Variants in FLT1 observed in about 807,000 individuals in gnomAD.
FLT1 encodes vascular endothelial growth factor receptor 1.
FLT1 carries 49 observed loss-of-function variants against 156.3 expected under a neutral mutation model. The ratio of observed to expected loss-of-function variants is 0.31; its 90% CI spans 0.25 to 0.40. The LOEUF is 0.40. Among genes scored for constraint, FLT1 ranks in the 10% least tolerant of loss-of-function variants. The pLI, the probability that FLT1 is intolerant of heterozygous loss-of-function variation, is 1.00. For synonymous variants in FLT1, 594 were observed against 583.8 expected (o/e 1.02, Z -0.25); for missense variants, 1,322 against 1,637.2 (o/e 0.81, Z 3.32).
At chr13:28,494,561 G>A (rs889958374) in intron 1 of FLT1, among the ~76,000 whole-genome samples, 5 of 152,206 alleles carry the variant, frequency 3.3e-5, no homozygotes, top group Non-Finnish European at 5.9e-5. Flanking sequence ...GATGCTCGCG[G>A]GTCCAGGCCA....
At chr13:28,338,367 G>A (rs992277452) in intron 17 of FLT1, among the ~76,000 whole-genome samples, 1 of 152,036 alleles carries the variant, frequency 6.6e-6, no homozygotes, top group African/African-American at 2.4e-5. Context: ...ACAGGAGTGA[G>A]TGGAAAACTT....
chr13:28,479,600 G>A (rs114483815), intron 1 of FLT1, among the ~76,000 whole-genome samples: 1 of 152,174 alleles, frequency 6.6e-6, no homozygotes, highest in South Asian at 2.1e-4. Context: ...TCCATTAAAA[G>A]TAGTACATTT....
intron 10 of FLT1, among the ~76,000 whole-genome samples, chr13:28,412,730 CTTTTTTT>C (rs752528822): frequency 7.5e-5 from 6 of 79,536 alleles, no homozygotes; most frequent in Non-Finnish European, 1.2e-4. Context: ...CCCTCACGTT[CTTTTTTT>C]TTTTTTTTTT....
rs76219563 is a variant in FLT1 at position 28,352,875 on chromosome 13, A to G, written c.2248+4679T>C. ...AGAGGAGCTAACGTGGAGGGAGGTC[A>G]GTCAGGGATCAGAGGAGGGTCAAAA... On this transcript the variant is annotated intron_variant, in intron 15 of 29. Transcript: ENST00000282397. Among the ~76,000 whole-genome samples, 770 of 152,308 alleles carry G rather than the reference A, an allele frequency of 5.1e-3. 3 individuals carry two copies. Among genetic ancestry groups the G allele is most frequent in the African/African-American group, 0.018 (729 of 41,558 alleles).
intron 14 of FLT1, among the ~76,000 whole-genome samples, chr13:28,375,025 T>C (rs545842972): frequency 6.6e-6 from 1 of 152,286 alleles, no homozygotes; most frequent in African/African-American, 2.4e-5. Context: ...TTCAGGAGGC[T>C]TTTCTGGGCT....
At chr13:28,448,704 G>T (rs1878753455) in intron 3 of FLT1, among the ~76,000 whole-genome samples, 1 of 152,146 alleles carries the variant, frequency 6.6e-6, no homozygotes, top group African/African-American at 2.4e-5. Flanking sequence ...CTGTCAATAT[G>T]CTACAAACCA....
At chr13:28,368,105 G>T in intron 14 of FLT1, 1 of 730,856 alleles carries the variant, frequency 1.4e-6, no homozygotes, top group Non-Finnish European at 1.7e-6. Flanking sequence ...ATGCATGTAT[G>T]TTAAGTTTAA....
intron 10 of FLT1, among the ~76,000 whole-genome samples, 180 bp downstream of exon 10, chr13:28,426,979 G>A (rs567041963): frequency 4.7e-4 from 72 of 152,226 alleles, no homozygotes; most frequent in African/African-American, 1.7e-3. Context: ...GCCAGTGATA[G>A]GGTATATTCA....
intron 10 of FLT1, among the ~76,000 whole-genome samples, chr13:28,415,020 G>A (rs778183996): frequency 6.6e-6 from 1 of 152,154 alleles, no homozygotes; most frequent in Non-Finnish European, 1.5e-5. Flanking sequence ...GCACAGCAGT[G>A]TCAGCACCTG....
intron 17 of FLT1, among the ~76,000 whole-genome samples, chr13:28,337,821 A>G (rs371580511): frequency 2.6e-5 from 4 of 152,342 alleles, no homozygotes; most frequent in Middle Eastern, 3.4e-3. Flanking sequence ...TGTGTCCTAT[A>G]CTGGAAGAAG....
chr13:28,368,485 A>T (rs1873393902), intron 14 of FLT1: 1 of 1,518,900 alleles, frequency 6.6e-7, no homozygotes. Flanking sequence ...TGGCTCTCCA[A>T]CTAAAGGATA....
rs561684739 is a variant in FLT1 at position 28,388,803 on chromosome 13, C to A, written c.1969+993G>T. On this transcript the variant is annotated intron_variant, in intron 13 of 29. Coordinates refer to ENST00000282397, the MANE Select transcript of FLT1 (RefSeq NM_002019.4). ...TTTCCTTGATAAATTGATTGTGGTA[C>A]ACCTTTGAATGCTGTCATTTTAACA... is the stretch of plus-strand genomic sequence containing the variant. 4.7e-6 allele frequency: 5 copies of A among 1,059,588 alleles called. No homozygotes were observed. The South Asian group carries it at 2.3e-4, about 48-fold the overall frequency. 65.6% of individuals were successfully genotyped at this position (1,059,588 alleles called of 1,614,324 possible). A position where few individuals can be genotyped will look rare whatever the true frequency, so the allele number is the denominator to read the frequency against.
rs376148261 is a variant in FLT1, at chr13:28,356,300, C to T, written c.2248+1254G>A. 8.5e-5 allele frequency among the ~76,000 whole-genome samples: 13 copies of T among 152,210 alleles called. No individual in the cohort carries two copies. The South Asian group carries it at 1.0e-3, about 12-fold the overall frequency. ...GCTCTCTGTGTTCCCTGGCCCGGCACGGCCATTCCTGAGGGCTATATGTCT... is the reference window on the plus strand; with the variant it reads ...GCTCTCTGTGTTCCCTGGCCCGGCATGGCCATTCCTGAGGGCTATATGTCT... On this transcript the variant is annotated intron_variant, in intron 15 of 29. Transcript: ENST00000282397.
chr13:28,388,999 C>G lies in FLT1; in HGVS notation c.1969+797G>C, dbSNP rs1048012107. On this transcript the variant is annotated intron_variant, in intron 13 of 29. Coordinates refer to ENST00000282397, the MANE Select transcript of FLT1 (RefSeq NM_002019.4). ...GCACTAACTGCATAATTACCTGGAT[C>G]GCATGAGAGGAGGGAGGGGACGTTG... 1.6e-5 allele frequency: 17 copies of G among 1,064,894 alleles called. 1 individual carries two copies. Among genetic ancestry groups the G allele is most frequent in the Non-Finnish European group, 6.8e-6 (6 of 879,190 alleles). 66.0% of individuals were successfully genotyped at this position (1,064,894 alleles called of 1,614,324 possible). A position where few individuals can be genotyped will look rare whatever the true frequency, so the allele number is the denominator to read the frequency against.
At chr13:28,474,527 C>CAGACACACAGACACACACACA (rs1555245783) in intron 1 of FLT1, among the ~76,000 whole-genome samples, 1 of 143,620 alleles carries the variant, frequency 7.0e-6, no homozygotes, top group African/African-American at 2.7e-5. Flanking sequence ...CACACACAAA[C>CAGACACACAGACACACACACA]CCCACAAATC....
At chr13:28,426,467 T>C (rs1421902302) in intron 10 of FLT1, among the ~76,000 whole-genome samples, 1 of 152,196 alleles carries the variant, frequency 6.6e-6, no homozygotes, top group Non-Finnish European at 1.5e-5. Flanking sequence ...TGGCCCAGCC[T>C]AAAGACACAA....
intron 29 of FLT1, 58 bp downstream of exon 29, chr13:28,306,620 A>G (rs1870760137): frequency 1.7e-6 from 2 of 1,186,028 alleles, no homozygotes; most frequent in African/African-American, 1.5e-5. Context: ...ACCTTCCCCC[A>G]GCATCTCCCC....
intron 23 of FLT1, among the ~76,000 whole-genome samples, chr13:28,320,422 C>T (rs1157443065): frequency 3.9e-5 from 6 of 152,172 alleles, no homozygotes; most frequent in African/African-American, 1.4e-4. Context: ...GCTGTGTCAG[C>T]ACCTTCTAGA....
chr13:28,481,545 G>A (rs1194116255), intron 1 of FLT1, among the ~76,000 whole-genome samples: 1 of 152,022 alleles, frequency 6.6e-6, no homozygotes, highest in Non-Finnish European at 1.5e-5. Context: ...CTCAGACCCA[G>A]AGAAATGGCT....
Sources: allele counts gnomAD v4.1 joint callset (sites outside exome capture counted in the v4.1 genomes callset), GRCh38; gene constraint gnomAD v4.1.1; transcripts MANE v1.5; gene names NCBI Gene and HGNC (gene_info 2026-07-23, HGNC 2026-07-21).